DNAH8: variants seen among roughly 807,000 people sequenced by gnomAD.
DNAH8 encodes the protein dynein axonemal heavy chain 8, also known as axonemal beta dynein heavy chain 8.
A neutral mutation model predicts 562.1 loss-of-function variants in DNAH8; 382 were observed. The ratio of observed to expected loss-of-function variants is 0.68; its 90% CI spans 0.63 to 0.74. The LOEUF (loss-of-function observed/expected upper bound fraction) is 0.74. Among genes scored for constraint, DNAH8 ranks in the 30% least tolerant of loss-of-function variants. DNAH8 has a pLI of 0.00. For synonymous variants in DNAH8, 1,881 were observed against 1,919.4 expected (o/e 0.98, Z 0.52); for missense variants, 5,203 against 5,620.4 (o/e 0.93, Z 2.37).
In DNAH8 at chr6:38,918,118, A is replaced by G. The variant is rs1781450156; in HGVS notation, c.10502A>G (p.Asn3501Ser). ...TLAMAIFYGI[N>S]REVLPLKANL... ...GCTATGGCAATATTTTATGGCATCA[A>G]TAGAGAAGTGTTGCCTCTGAAGGTA... is the stretch of plus-strand genomic sequence containing the variant. Residue 3501 changes from asparagine to serine, a missense_variant, in exon 70 of 93, where the codon AAT becomes AGT. Asn to Ser is a conservative substitution (Grantham distance 46, BLOSUM62 1). This residue lies in a region of DNAH8 where 1,399 missense variants were observed against 1,518.4 expected (regional missense o/e 0.92). Transcript: ENST00000327475. 1.2e-6 allele frequency: 2 copies of G among 1,611,748 alleles called. No homozygotes were observed. The highest frequency in any genetic ancestry group is 1.1e-5 in the South Asian group (1 of 90,790).
At chr6:38,825,807 G>A (rs1773262718) in intron 28 of DNAH8, among the ~76,000 whole-genome samples, 1 of 152,144 alleles carries the variant, frequency 6.6e-6, no homozygotes, top group African/African-American at 2.4e-5. Context: ...CACCTCATGG[G>A]ATCTCTCGAG....
intron 33 of DNAH8, among the ~76,000 whole-genome samples, chr6:38,841,232 A>G (rs888913414): frequency 1.3e-5 from 2 of 152,094 alleles, no homozygotes; most frequent in African/African-American, 4.8e-5. Context: ...CAGCCTAGCT[A>G]ACATGATGAG....
At chr6:38,878,939 T>C (rs1041914571) in intron 53 of DNAH8, among the ~76,000 whole-genome samples, 31 of 152,180 alleles carry the variant, frequency 2.0e-4, no homozygotes, top group African/African-American at 7.0e-4. Flanking sequence ...GTTAATTCGC[T>C]TGTAATAATT....
intron 79 of DNAH8, among the ~76,000 whole-genome samples, chr6:38,941,632 T>C (rs913945696): frequency 3.3e-5 from 5 of 152,168 alleles, no homozygotes; most frequent in Admixed American, 6.5e-5. Context: ...GTTTTGGTCT[T>C]GGGGATGCTT....
chr6:38,882,560 G>C (rs1023093191), intron 53 of DNAH8, among the ~76,000 whole-genome samples: 2 of 152,162 alleles, frequency 1.3e-5, no homozygotes, highest in South Asian at 4.1e-4. Flanking sequence ...GGGCCTACTT[G>C]AGGGTTGGGG....
chr6:38,842,689 A>C lies in DNAH8; in HGVS notation c.4631A>C (p.Lys1544Thr). ...TGTCGTAAACTTCCAAAAGGACTTAAAGATTGGCAAGCTTTTTTGGATCTC... is the reference window on the plus strand; with the variant it reads ...TGTCGTAAACTTCCAAAAGGACTTACAGATTGGCAAGCTTTTTTGGATCTC... ...NRCRKLPKGL[K>T]DWQAFLDLKK... Residue 1544 changes from lysine (K) to threonine (T), a missense_variant, in exon 35 of 93, where the codon AAA (lysine) becomes ACA (threonine). Coordinates refer to ENST00000327475, the MANE Select transcript of DNAH8 (RefSeq NM_001206927.2). The C allele has an allele frequency of 1.2e-6, 2 of 1,613,374 alleles. No homozygotes were observed. The highest frequency in any genetic ancestry group is 1.7e-6 in the Non-Finnish European group (2 of 1,179,794).
chr6:38,838,662 G>A (rs966061259), intron 33 of DNAH8, among the ~76,000 whole-genome samples: 132 of 145,552 alleles, frequency 9.1e-4, no homozygotes, highest in African/African-American at 3.1e-3. Context: ...GCCTCCCAAA[G>A]TGCTGGGATT....
chr6:38,890,925 A>T (rs1285140951), intron 58 of DNAH8, among the ~76,000 whole-genome samples, 164 bp downstream of exon 58: 1 of 152,196 alleles, frequency 6.6e-6, no homozygotes, highest in Non-Finnish European at 1.5e-5. Flanking sequence ...CCTTCCAGGG[A>T]GCAAATGATC....
rs1291473150 is a variant in DNAH8, at chr6:38,862,402, T to G, written c.6254T>G (p.Val2085Gly). The change falls in exon 44 of 93, where the codon GTC becomes GGC. Residue 2085 changes from valine (V) to glycine (G), a missense_variant. Coordinates refer to ENST00000327475, the MANE Select transcript of DNAH8 (RefSeq NM_001206927.2). ...GGAAGGTGTTTGGGAAAATATGTGG[T>G]CGTGTTCAATTGCTCAGATCAAATG... ...DMGRCLGKYV[V>G]VFNCSDQMDF... 1 of 1,614,006 alleles carries G rather than the reference T, an allele frequency of 6.2e-7. No individual in the cohort carries two copies. The highest frequency in any genetic ancestry group is 1.1e-5 in the South Asian group (1 of 91,072).
intron 82 of DNAH8, among the ~76,000 whole-genome samples, chr6:38,957,865 C>CT (rs1220862555): frequency 3.2e-5 from 2 of 62,206 alleles, no homozygotes; most frequent in African/African-American, 1.8e-4. Context: ...AATGCCTACA[C>CT]CAAAAAAAAA....
At chr6:38,926,815 A>T (rs1782161629) in intron 74 of DNAH8, among the ~76,000 whole-genome samples, 1 of 151,984 alleles carries the variant, frequency 6.6e-6, no homozygotes, top group Admixed American at 6.6e-5. Flanking sequence ...GTCTTTCTCT[A>T]CCTCCACTTA....
chr6:38,938,677 C>G (rs914603089), intron 78 of DNAH8, 121 bp from the exon 79 acceptor site: 1 of 679,400 alleles, frequency 1.5e-6, no homozygotes, highest in Admixed American at 2.9e-5. Flanking sequence ...TTAATCTGTG[C>G]AACAAACCAC....
intron 11 of DNAH8, 97 bp from the exon 12 acceptor site, chr6:38,770,316 G>T: frequency 1.5e-6 from 1 of 668,706 alleles, no homozygotes; most frequent in Non-Finnish European, 2.4e-6. Context: ...GATTTTCACA[G>T]TTTGATCAGT....
chr6:39,004,815 T>C (rs1054713522), intron 88 of DNAH8, among the ~76,000 whole-genome samples: 1 of 152,260 alleles, frequency 6.6e-6, no homozygotes, highest in Non-Finnish European at 1.5e-5. Flanking sequence ...ATTCTTTCAC[T>C]TAACATAATG....
At chr6:38,966,173 A>T (rs989679037) in intron 82 of DNAH8, among the ~76,000 whole-genome samples, 1 of 152,218 alleles carries the variant, frequency 6.6e-6, no homozygotes, top group African/African-American at 2.4e-5. Context: ...GAGGGGCGTA[A>T]CTACTTACCC....
chr6:38,861,087 G>C (rs1017261994), intron 43 of DNAH8, among the ~76,000 whole-genome samples: 1 of 152,088 alleles, frequency 6.6e-6, no homozygotes, highest in African/African-American at 2.4e-5. Flanking sequence ...GCAATTACTA[G>C]GTCTTTTTTA....
chr6:38,878,836 G>A (rs1265685638), intron 53 of DNAH8, among the ~76,000 whole-genome samples: 2 of 152,160 alleles, frequency 1.3e-5, no homozygotes, highest in Admixed American at 6.5e-5. Context: ...AAATTGCTAA[G>A]AGAGTAAATT....
At chr6:38,780,133 C>A in intron 15 of DNAH8, 68 bp downstream of exon 15, 3 of 1,443,292 alleles carry the variant, frequency 2.1e-6, no homozygotes, top group Non-Finnish European at 2.9e-6. Flanking sequence ...AAAATATTTG[C>A]CATCATTGTC....
intron 67 of DNAH8, among the ~76,000 whole-genome samples, chr6:38,914,671 T>C (rs559724426): frequency 1.1e-4 from 16 of 152,124 alleles, no homozygotes; most frequent in African/African-American, 3.9e-4. Flanking sequence ...TTTTTATCTA[T>C]TATACAGCCT....
Sources: allele counts gnomAD v4.1 joint callset (sites outside exome capture counted in the v4.1 genomes callset), GRCh38; gene constraint gnomAD v4.1.1; regional missense constraint gnomAD v4.1.1; transcripts MANE v1.5; gene names NCBI Gene and HGNC (gene_info 2026-07-23, HGNC 2026-07-21).